ST18: variants seen among roughly 807,000 people sequenced by gnomAD.
ST18 encodes the protein suppression of tumorigenicity 18 protein.
In ST18, 50 loss-of-function variants were observed where a neutral mutation model predicts 110.0. The observed-to-expected ratio is 0.45, with a 90% CI of 0.36 to 0.58. The LOEUF is 0.58. Ranked by LOEUF, ST18 falls within the 20% of genes least tolerant of loss-of-function variation. The pLI is 0.00. For synonymous variants in ST18, 461 were observed against 452.4 expected, an observed-to-expected ratio of 1.02 and a Z score of -0.24; for missense variants, 1,306 against 1,280.1, an observed-to-expected ratio of 1.02 and a Z score of -0.31.
chr8:52,171,408 G>A (rs899537528), intron 10 of ST18, among the ~76,000 whole-genome samples: 3 of 152,208 alleles, frequency 2.0e-5, no homozygotes, highest in African/African-American at 4.8e-5. Context: ...TAGCAAGTTA[G>A]ATAATCCAAG....
At chr8:52,377,224 C>A (rs34825261) in intron 2 of ST18, among the ~76,000 whole-genome samples, 114,285 of 152,158 alleles carry the variant, frequency 0.75, 48,049 homozygotes, top group Non-Finnish European at 0.93. Flanking sequence ...TAAATGCTGG[C>A]CATACCCATT....
intron 8 of ST18, among the ~76,000 whole-genome samples, chr8:52,209,599 C>T (rs1044091958): frequency 7.9e-5 from 12 of 151,292 alleles, no homozygotes; most frequent in Admixed American, 5.3e-4. Flanking sequence ...TGGAGAAACC[C>T]GTCTCTACTA....
At chr8:52,276,806 G>A (rs118147378) in intron 2 of ST18, among the ~76,000 whole-genome samples, 2,418 of 143,576 alleles carry the variant, frequency 0.017, 28 homozygotes, top group Non-Finnish European at 0.022. Flanking sequence ...TGCTCTTATC[G>A]TCCAGGCTGG....
chr8:52,271,935 C>T (rs1219709463), intron 2 of ST18, among the ~76,000 whole-genome samples: 1 of 152,220 alleles, frequency 6.6e-6, no homozygotes, highest in Non-Finnish European at 1.5e-5. Flanking sequence ...AGCAAGAGGA[C>T]ATGCCTAAAG....
chr8:52,132,912 C>A, intron 21 of ST18, 145 bp downstream of exon 21: 2 of 883,458 alleles, frequency 2.3e-6, no homozygotes, highest in South Asian at 1.8e-5. Flanking sequence ...TTTCTCAAAC[C>A]ACCAAATAGT....
chr8:52,183,749 A>G (rs1307396376), intron 8 of ST18, among the ~76,000 whole-genome samples: 3 of 152,226 alleles, frequency 2.0e-5, no homozygotes, highest in Non-Finnish European at 4.4e-5. Flanking sequence ...CTAATGCAGC[A>G]TCGCAAGCTT....
chr8:52,128,248 C>A (rs1376164972), intron 22 of ST18, among the ~76,000 whole-genome samples: 1 of 152,204 alleles, frequency 6.6e-6, no homozygotes, highest in African/African-American at 2.4e-5. Context: ...GGATTACAGG[C>A]GTGATCCACG....
intron 18 of ST18, 107 bp downstream of exon 18, chr8:52,137,314 C>A: frequency 8.6e-7 from 1 of 1,159,172 alleles, no homozygotes; most frequent in Non-Finnish European, 1.2e-6. Context: ...AAAACCCAAC[C>A]AACTCATTTC....
chr8:52,283,330 T>C (rs1483716955), intron 2 of ST18, among the ~76,000 whole-genome samples: 2 of 151,784 alleles, frequency 1.3e-5, no homozygotes, highest in South Asian at 2.1e-4. Context: ...AGTTTAGAGA[T>C]TGGGGAAAGG....
At chr8:52,222,902 A>T (rs2087498014) in intron 3 of ST18, among the ~76,000 whole-genome samples, 1 of 152,224 alleles carries the variant, frequency 6.6e-6, no homozygotes, top group South Asian at 2.1e-4. Flanking sequence ...CAGAACTTGT[A>T]ACAGAGTTAG....
At chr8:52,237,936 C>CAG (rs1164325599) in intron 2 of ST18, among the ~76,000 whole-genome samples, 40 of 152,054 alleles carry the variant, frequency 2.6e-4, no homozygotes, top group African/African-American at 9.4e-4. Flanking sequence ...AGAAGTTATA[C>CAG]AAATGAGCAA....
At chr8:52,199,803 G>C (rs2077356463) in intron 8 of ST18, among the ~76,000 whole-genome samples, 1 of 152,130 alleles carries the variant, frequency 6.6e-6, no homozygotes, top group Non-Finnish European at 1.5e-5. Context: ...CAAGAACCAG[G>C]CTTCTGGAAG....
At chr8:52,259,724 C>T (rs2094627981) in intron 2 of ST18, among the ~76,000 whole-genome samples, 1 of 152,090 alleles carries the variant, frequency 6.6e-6, no homozygotes, top group South Asian at 2.1e-4. Flanking sequence ...CTAACTTTTC[C>T]CAGTCCAAAC....
chr8:52,152,527 A>T (rs2059077729), intron 15 of ST18, among the ~76,000 whole-genome samples: 1 of 152,232 alleles, frequency 6.6e-6, no homozygotes, highest in South Asian at 2.1e-4. Flanking sequence ...TAGAGGGGAC[A>T]TCCCAGGCCA....
intron 23 of ST18, among the ~76,000 whole-genome samples, chr8:52,125,382 C>A (rs10102026): frequency 6.6e-6 from 1 of 151,484 alleles, no homozygotes; most frequent in African/African-American, 2.4e-5. Flanking sequence ...CAGAAAAACG[C>A]GCACGTACAC....
At chr8:52,199,769 TG>T (rs1287576627) in intron 8 of ST18, among the ~76,000 whole-genome samples, 2 of 152,216 alleles carry the variant, frequency 1.3e-5, no homozygotes. Flanking sequence ...CTTTGACCCA[TG>T]GCCACCTAAA....
intron 8 of ST18, among the ~76,000 whole-genome samples, chr8:52,203,035 A>G (rs76757150): frequency 0.012 from 1,830 of 152,332 alleles, 31 homozygotes; most frequent in African/African-American, 0.04. Flanking sequence ...TAGATAATGT[A>G]AAATAAAATA....
chr8:52,193,382 T>C lies in ST18; in HGVS notation c.87-13070A>G, dbSNP rs576854765. On this transcript the variant is annotated intron_variant, in intron 8 of 25. Transcript: ENST00000689386. ...TCACTTCTGAAAATTGCCCTCAACC[T>C]GAGAGCCATTTAACCCAAAGTCCCA... Among the ~76,000 whole-genome samples the C allele has an allele frequency of 3.0e-4, 46 of 152,296 alleles. 1 individual carries two copies. The South Asian group carries it at 9.3e-3, about 31-fold the overall frequency.
upstream of ST18, chr8:52,409,821 A>C (rs1293923053): frequency 6.6e-6 from 1 of 152,274 alleles, no homozygotes; most frequent in Non-Finnish European, 1.5e-5. Context: ...CACAAAGAAA[A>C]TGCTGTCTAT....
Sources: allele counts gnomAD v4.1 joint callset (sites outside exome capture counted in the v4.1 genomes callset), GRCh38; gene constraint gnomAD v4.1.1; transcripts MANE v1.5; gene names NCBI Gene and HGNC (gene_info 2026-07-23, HGNC 2026-07-21).